Variants in NECAP2 observed in about 807,000 individuals in gnomAD.
NECAP2 encodes NECAP endocytosis associated 2.
In NECAP2, 38 loss-of-function variants were observed where a neutral mutation model predicts 37.8. The observed-to-expected ratio is 1.01, with a 90% CI of 0.78 to 1.32. The LOEUF is 1.32. Among genes scored for constraint, NECAP2 ranks in the 40% most tolerant of loss-of-function variants. The pLI, the probability that NECAP2 is intolerant of heterozygous loss-of-function variation, is 0.00. For missense variants in NECAP2, 316 were observed against 334.5 expected (o/e 0.94, Z 0.43); for synonymous variants, 121 against 127.7 (o/e 0.95, Z 0.35).
chr1:16,458,774 C>T lies in NECAP2; in HGVS notation c.744-68C>T, dbSNP rs1015308247. 11 of 1,564,550 alleles carry T rather than the reference C, an allele frequency of 7.0e-6. No individual in the cohort carries two copies. In the South Asian group the frequency reaches 1.1e-4, roughly 16 times the overall value. On this transcript the variant is annotated intron_variant, in intron 7 of 7. Transcript: ENST00000337132. ...GAGCTTTTTCTGTCCAGAGAGAAAC[C>T]AACTTTTATCTGCTTTGTATTTTCA...
At chr1:16,455,536 T>C (rs1341401903) in intron 6 of NECAP2, 1 of 430,422 alleles carries the variant, frequency 2.3e-6, no homozygotes, top group Non-Finnish European at 4.2e-6. Context: ...TTAGATGACG[T>C]GAGACTAACC....
At chr1:16,457,912 T>C (rs2086950346) in intron 7 of NECAP2, among the ~76,000 whole-genome samples, 1 of 151,948 alleles carries the variant, frequency 6.6e-6, no homozygotes, top group Non-Finnish European at 1.5e-5. Context: ...GGTTTTGCTA[T>C]GTTGCCCAGG....
At chr1:16,445,273 C>T (rs193079046) in intron 2 of NECAP2, among the ~76,000 whole-genome samples, 1 of 152,214 alleles carries the variant, frequency 6.6e-6, no homozygotes, top group Non-Finnish European at 1.5e-5. Flanking sequence ...GAGCATATCA[C>T]TCTAGGCCAG....
intron 1 of NECAP2, among the ~76,000 whole-genome samples, chr1:16,443,117 TCAGAAA>T (rs1486513099): frequency 6.6e-6 from 1 of 152,200 alleles, no homozygotes; most frequent in Non-Finnish European, 1.5e-5. Flanking sequence ...TCAAGCAGTG[TCAGAAA>T]CAGAATCAGG....
rs778116727 is a variant in NECAP2 at position 16,455,864 on chromosome 1, C to T, written c.714C>T (p.Asp238=). The part of the protein sequence containing the change: ...PWPQPNPATA[D]IWGDFTKSTG... Reference sequence around the variant, plus strand: ...CACAGCCCAATCCTGCCACTGCTGACATCTGGGGAGACTTTACCAAATCTA... The same window carrying T: ...CACAGCCCAATCCTGCCACTGCTGATATCTGGGGAGACTTTACCAAATCTA... Residue 238 remains aspartate (D), a synonymous_variant, in exon 7 of 8, where the codon GAC becomes GAT. Coordinates refer to ENST00000337132, the MANE Select transcript of NECAP2 (RefSeq NM_018090.5). The T allele has an allele frequency of 6.2e-7, 1 of 1,614,124 alleles. No individual in the cohort carries two copies.
At chr1:16,456,425 A>G (rs74055686) in intron 7 of NECAP2, among the ~76,000 whole-genome samples, 4,527 of 152,252 alleles carry the variant, frequency 0.03, 224 homozygotes, top group African/African-American at 0.1. Flanking sequence ...TTCCAGTGCT[A>G]TATAGCCTGG....
intron 4 of NECAP2, chr1:16,448,447 T>A: frequency 4.8e-6 from 2 of 418,318 alleles, no homozygotes; most frequent in Admixed American, 7.6e-5. Context: ...TGCTCCTCCA[T>A]GTAATCAATG....
chr1:16,449,113 A>C lies in NECAP2; in HGVS notation c.401A>C (p.Glu134Ala). The change falls in exon 5 of 8, where the codon GAA becomes GCA. Residue 134 changes from glutamate (E) to alanine (A), a missense_variant. Glu to Ala is a moderately radical substitution (Grantham distance 107, BLOSUM62 -1). Around this residue, in one of 3 missense-constraint regions of NECAP2, gnomAD observed 204 missense variants for 188.6 expected, o/e 1.08. Transcript: ENST00000337132. ...CCCAGGTGGGTGAAACAGCAGTGTG[A>C]ATTTGCAAAACAAGCCCAGAACCCA... Reference protein sequence around the residue: ...DHFKWVKQQCEFAKQAQNPDQ... With the variant: ...DHFKWVKQQCAFAKQAQNPDQ... 1 of 1,613,016 alleles carries C rather than the reference A, an allele frequency of 6.2e-7. No individual in the cohort carries two copies. Among genetic ancestry groups the C allele is most frequent in the Non-Finnish European group, 8.5e-7 (1 of 1,179,558 alleles).
At chr1:16,452,159 G>C in intron 6 of NECAP2, 144 bp downstream of exon 6, 2 of 859,148 alleles carry the variant, frequency 2.3e-6, no homozygotes, top group Non-Finnish European at 3.5e-6. Flanking sequence ...GGCACCCAAA[G>C]CTCATTCTGC....
chr1:16,455,951 T>A (rs1362564979), intron 7 of NECAP2, 58 bp downstream of exon 7: 1 of 1,312,552 alleles, frequency 7.6e-7, no homozygotes, highest in African/African-American at 1.5e-5. Flanking sequence ...TCTACAAACC[T>A]GGTATTGTTC....
chr1:16,443,204 TAG>T (rs1243664790), intron 1 of NECAP2, among the ~76,000 whole-genome samples: 1 of 152,230 alleles, frequency 6.6e-6, no homozygotes, highest in Non-Finnish European at 1.5e-5. Flanking sequence ...CACTGTGGTC[TAG>T]AGAGGGGGTC....
intron 2 of NECAP2, among the ~76,000 whole-genome samples, chr1:16,445,690 G>A (rs753749196): frequency 2.0e-5 from 3 of 152,164 alleles, no homozygotes; most frequent in Non-Finnish European, 4.4e-5. Context: ...GATCGCTTGA[G>A]CCCAGGAATT....
intron 2 of NECAP2, 46 bp downstream of exon 2, chr1:16,443,778 T>A: frequency 6.8e-7 from 1 of 1,471,000 alleles, no homozygotes; most frequent in South Asian, 1.2e-5. Flanking sequence ...CGCACCCCAC[T>A]TTATGAAGGG....
At chr1:16,454,972 A>C (rs1325630700) in intron 6 of NECAP2, among the ~76,000 whole-genome samples, 5 of 152,184 alleles carry the variant, frequency 3.3e-5, no homozygotes, top group Admixed American at 2.0e-4. Flanking sequence ...AACTGAAATG[A>C]CCTGCACAGT....
intron 2 of NECAP2, among the ~76,000 whole-genome samples, chr1:16,447,328 C>G (rs1288016085): frequency 6.6e-6 from 1 of 151,972 alleles, no homozygotes; most frequent in Non-Finnish European, 1.5e-5. Flanking sequence ...TAAAGCTAGT[C>G]ACGCTTGCCC....
intron 7 of NECAP2, among the ~76,000 whole-genome samples, chr1:16,456,736 T>C (rs886642637): frequency 7.9e-5 from 12 of 152,208 alleles, no homozygotes; most frequent in African/African-American, 2.9e-4. Context: ...ACATTTTCTT[T>C]TTCTTTTCAT....
At position 16,455,820 on chromosome 1, in the gene NECAP2, G is replaced by A; in HGVS notation, c.670G>A (p.Gly224Ser). 1 of 1,613,716 alleles carries A rather than the reference G, an allele frequency of 6.2e-7. No homozygotes were observed. The highest frequency in any genetic ancestry group is 8.5e-7 in the Non-Finnish European group (1 of 1,179,674). Residue 224 changes from glycine to serine, a missense_variant and splice_region_variant, in exon 7 of 8, where the codon GGT becomes AGT. Coordinates refer to ENST00000337132, the MANE Select transcript of NECAP2 (RefSeq NM_018090.5). The stretch of plus-strand genomic sequence containing the variant: ...GTCGGACTCGGGAACATCAATAGGA[G>A]GTGCTCCTGTACCCTGGCCACAGCC... ...VQPAVAPSSG[G>S]APVPWPQPNP...
At chr1:16,455,949 C>T (rs1219452257) in intron 7 of NECAP2, 56 bp downstream of exon 7, 4 of 1,335,408 alleles carry the variant, frequency 3.0e-6, no homozygotes, top group Non-Finnish European at 4.3e-6. Context: ...GCTCTACAAA[C>T]CTGGTATTGT....
At position 16,451,978 on chromosome 1, in the gene NECAP2, G is replaced by A; in HGVS notation, c.630G>A (p.Gly210=). ...IPPPGEQLAV[G]GSLVQPAVAP... ...CCCCTGGGGAGCAGTTGGCTGTGGG[G>A]GGATCCCTCGTCCAGCCAGCAGTTG... The change falls in exon 6 of 8, where the codon GGG becomes GGA. Residue 210 remains glycine, a synonymous_variant. Coordinates refer to ENST00000337132, the MANE Select transcript of NECAP2 (RefSeq NM_018090.5). 6.2e-7 allele frequency: 1 copy of A among 1,607,034 alleles called. No homozygotes were observed. Among genetic ancestry groups the A allele is most frequent in the Non-Finnish European group, 8.5e-7 (1 of 1,176,342 alleles).
Sources: gnomAD v4.1 joint callset for allele counts (sites outside exome capture counted in the v4.1 genomes callset) on GRCh38, gnomAD v4.1.1 for gene constraint, gnomAD v4.1.1 regional missense constraint, MANE v1.5 for transcripts, NCBI Gene and HGNC (gene_info 2026-07-23, HGNC 2026-07-21) for gene names.